Variants in PPARGC1A observed in about 807,000 individuals in gnomAD.
PPARGC1A encodes the protein peroxisome proliferator-activated receptor gamma coactivator 1-alpha.
A neutral mutation model predicts 88.7 loss-of-function variants in PPARGC1A; 25 were observed. The observed-to-expected ratio is 0.28, with a 90% CI of 0.21 to 0.39. The LOEUF (loss-of-function observed/expected upper bound fraction) is 0.39, where lower values mean the gene tolerates loss of function less well. PPARGC1A is among the 10% of genes least tolerant of loss of function. PPARGC1A has a pLI of 1.00. For missense variants in PPARGC1A, 880 were observed against 968.7 expected (o/e 0.91, Z 1.22); for synonymous variants, 363 against 355.6 (o/e 1.02, Z -0.24).
chr4:23,853,212 C>T (rs1479959408), intron 2 of PPARGC1A, among the ~76,000 whole-genome samples: 1 of 151,868 alleles, frequency 6.6e-6, no homozygotes, highest in Non-Finnish European at 1.5e-5. Context: ...AAGGAAAGTA[C>T]AGAAAGGGGT....
rs1721570318 is a variant in PPARGC1A, at chr4:23,814,539, T to A, written c.944A>T (p.Lys315Met). 6.2e-7 allele frequency: 1 copy of A among 1,612,522 alleles called. No homozygotes were observed. The highest frequency in any genetic ancestry group is 1.7e-5 in the Admixed American group (1 of 59,858). The change falls in exon 8 of 13, where the codon AAG becomes ATG. Residue 315 changes from lysine (K) to methionine (M), a missense_variant. Coordinates refer to ENST00000264867, the MANE Select transcript of PPARGC1A (RefSeq NM_013261.5). ...NQDNPFRASP[K>M]LKSSCKTVVP... The stretch of plus-strand genomic sequence containing the variant: ...CACAGTCTTGCAAGAGGACTTCAGC[T>A]TTGGAGAAGCCCTAAAAGGGTTATC...
the PPARGC1A span, among the ~76,000 whole-genome samples, chr4:24,062,228 T>C: frequency 6.6e-6 from 1 of 152,216 alleles, no homozygotes; most frequent in Non-Finnish European, 1.5e-5. Context: ...GCCCTGCATG[T>C]GACAATGACA....
chr4:24,207,574 G>A, the PPARGC1A span, among the ~76,000 whole-genome samples: 13 of 152,184 alleles, frequency 8.5e-5, no homozygotes, highest in African/African-American at 3.1e-4. Context: ...TGTTGCTCCT[G>A]TGTGTGTTTG....
At chr4:23,844,324 ATC>A (rs1272499408) in intron 2 of PPARGC1A, among the ~76,000 whole-genome samples, 1 of 91,274 alleles carries the variant, frequency 1.1e-5, no homozygotes, top group African/African-American at 3.8e-5. Context: ...TATTAGAATA[ATC>A]ATAAACTATA....
At chr4:23,810,067 A>G (rs898777327) in intron 10 of PPARGC1A, among the ~76,000 whole-genome samples, 1 of 152,210 alleles carries the variant, frequency 6.6e-6, no homozygotes, top group Non-Finnish European at 1.5e-5. Context: ...CAAATGGCAA[A>G]TATTTATTAC....
At chr4:24,458,320 C>T in the PPARGC1A span, among the ~76,000 whole-genome samples, 15,294 of 151,904 alleles carry the variant, frequency 0.1, 1,003 homozygotes, top group African/African-American at 0.19. Flanking sequence ...GGGAACATGG[C>T]GAAACCCCAT....
the PPARGC1A span, among the ~76,000 whole-genome samples, chr4:24,029,064 A>G: frequency 6.6e-6 from 1 of 152,196 alleles, no homozygotes; most frequent in Non-Finnish European, 1.5e-5. Context: ...AACCAATGTT[A>G]GTTATTTATA....
the PPARGC1A span, among the ~76,000 whole-genome samples, chr4:24,310,347 T>C: frequency 1.3e-5 from 2 of 152,358 alleles, no homozygotes; most frequent in South Asian, 4.1e-4. Context: ...TCAATTCCTC[T>C]CTAGAATCTA....
chr4:23,803,283 G>A (rs1179943339), intron 10 of PPARGC1A, among the ~76,000 whole-genome samples: 1 of 152,060 alleles, frequency 6.6e-6, no homozygotes, highest in Non-Finnish European at 1.5e-5. Flanking sequence ...TTTGATGCAG[G>A]TGGTCCAAAG....
the PPARGC1A span, among the ~76,000 whole-genome samples, chr4:24,009,310 A>G: frequency 6.6e-6 from 1 of 152,172 alleles, no homozygotes; most frequent in Non-Finnish European, 1.5e-5. Flanking sequence ...CAAGTAAAGG[A>G]GGCAAGAAAG....
intron 12 of PPARGC1A, among the ~76,000 whole-genome samples, chr4:23,797,504 C>A (rs1035995284): frequency 1.3e-5 from 2 of 152,150 alleles, no homozygotes; most frequent in Non-Finnish European, 2.9e-5. Context: ...ACACACATAC[C>A]TTTCCTTGAG....
At chr4:24,168,636 GACATAGACACACACACACACAC>G in the PPARGC1A span, among the ~76,000 whole-genome samples, 1 of 141,230 alleles carries the variant, frequency 7.1e-6, no homozygotes, top group South Asian at 2.1e-4. Context: ...CAAACACACA[GACATAGACACACACACACACAC>G]ACACACACAA....
the PPARGC1A span, among the ~76,000 whole-genome samples, chr4:24,158,830 A>G: frequency 6.6e-6 from 1 of 152,216 alleles, no homozygotes; most frequent in South Asian, 2.1e-4. Context: ...TAGATGCTTC[A>G]GTAATTTGTT....
chr4:24,268,851 TTATTTAATCCGTACA>T, the PPARGC1A span, among the ~76,000 whole-genome samples: 1 of 152,252 alleles, frequency 6.6e-6, no homozygotes, highest in Non-Finnish European at 1.5e-5. Context: ...CATTGATTCA[TTATTTAATCCGTACA>T]TATTTATGGA....
At chr4:24,327,641 C>T in the PPARGC1A span, among the ~76,000 whole-genome samples, 1 of 151,962 alleles carries the variant, frequency 6.6e-6, no homozygotes, top group Non-Finnish European at 1.5e-5. Flanking sequence ...CCTCTTACCA[C>T]AAGATCTCCC....
chr4:24,462,023 G>C, the PPARGC1A span, among the ~76,000 whole-genome samples: 14 of 152,218 alleles, frequency 9.2e-5, no homozygotes, highest in Non-Finnish European at 1.9e-4. Context: ...ACACATTCAT[G>C]TTGAAGGCAG....
At chr4:23,831,831 A>G in intron 2 of PPARGC1A, 80 bp from the exon 3 acceptor site, 1 of 1,136,276 alleles carries the variant, frequency 8.8e-7, no homozygotes, top group Admixed American at 1.8e-5. Flanking sequence ...GTTTGACCAA[A>G]TGAGTGAACC....
chr4:23,997,497 CTTT>C, the PPARGC1A span, among the ~76,000 whole-genome samples: 7 of 96,942 alleles, frequency 7.2e-5, no homozygotes, highest in African/African-American at 1.5e-4. Flanking sequence ...CAAGAAAGCC[CTTT>C]TTTTTTTTTT....
the PPARGC1A span, among the ~76,000 whole-genome samples, chr4:24,204,714 C>T: frequency 1.3e-5 from 2 of 152,118 alleles, no homozygotes; most frequent in Non-Finnish European, 2.9e-5. Context: ...CTTGCACTTA[C>T]CTCTGTGTAC....
Sources: allele counts gnomAD v4.1 joint callset (sites outside exome capture counted in the v4.1 genomes callset), GRCh38; gene constraint gnomAD v4.1.1; transcripts MANE v1.5; gene names NCBI Gene and HGNC (gene_info 2026-07-23, HGNC 2026-07-21).